RBFOX1: variants seen among roughly 807,000 people sequenced by gnomAD.
RBFOX1 encodes the protein RNA binding protein fox-1 homolog 1.
Under a neutral mutation model 57.7 loss-of-function variants are expected in RBFOX1, and 8 were observed. The observed-to-expected ratio is 0.14, with a 90% confidence interval of 0.08 to 0.25. The LOEUF is 0.25. Among genes scored for constraint, RBFOX1 ranks in the 10% least tolerant of loss-of-function variants. The probability of loss-of-function intolerance (pLI) is 1.00; values close to 1 mark genes in which losing one functional copy is unlikely to be tolerated. For missense variants in RBFOX1, 611 were observed against 548.5 expected, an observed-to-expected ratio of 1.11 and a Z score of -1.14; for synonymous variants, 326 against 222.4, an observed-to-expected ratio of 1.47 and a Z score of -4.15.
At chr16:6,083,112 C>T (rs1426742360) in intron 1 of RBFOX1, among the ~76,000 whole-genome samples, 1 of 152,108 alleles carries the variant, frequency 6.6e-6, no homozygotes, top group Non-Finnish European at 1.5e-5. Context: ...AGCGATTCTC[C>T]TGCCTCAGCG....
At chr16:7,113,399 A>C (rs973639161) in intron 4 of RBFOX1, among the ~76,000 whole-genome samples, 2 of 152,166 alleles carry the variant, frequency 1.3e-5, no homozygotes, top group African/African-American at 4.8e-5. Flanking sequence ...AAAAGATAAA[A>C]AGTTTCCCTT....
intron 1 of RBFOX1, among the ~76,000 whole-genome samples, chr16:5,427,672 A>T (rs2020162): frequency 6.6e-6 from 1 of 151,898 alleles, no homozygotes; most frequent in Admixed American, 6.5e-5. Context: ...CAGGACATAG[A>T]CAAGGTTACG....
chr16:7,710,297 A>G, intron 15 of RBFOX1: 1 of 1,149,486 alleles, frequency 8.7e-7, no homozygotes, highest in South Asian at 2.6e-5. Context: ...CAACTGGTCC[A>G]AATTCAACCT....
chr16:7,236,763 A>T (rs1008675209), intron 4 of RBFOX1, among the ~76,000 whole-genome samples: 3 of 152,066 alleles, frequency 2.0e-5, no homozygotes, highest in Non-Finnish European at 4.4e-5. Flanking sequence ...TTCAGCAGTC[A>T]TTAAAAATGC....
At chr16:5,789,615 G>C (rs1287570375) in intron 3 of RBFOX1, among the ~76,000 whole-genome samples, 1 of 152,106 alleles carries the variant, frequency 6.6e-6, no homozygotes, top group Non-Finnish European at 1.5e-5. Context: ...GTTCTCTTTT[G>C]GTTAAGCTTT....
rs143188417 is a variant in RBFOX1, at chr16:5,986,343, C to T, written c.351+119008C>T. On this transcript the variant is annotated intron_variant, in intron 4 of 19. Coordinates refer to the RBFOX1 transcript ENST00000641259. ...CCTCCCATAGTGCTGGGATTACAGGCGTGAGCCATCGCGTCCAGACTGTTG... is the reference window on the plus strand; with the variant it reads ...CCTCCCATAGTGCTGGGATTACAGGTGTGAGCCATCGCGTCCAGACTGTTG... 7.9e-4 allele frequency among the ~76,000 whole-genome samples: 121 copies of T among 152,326 alleles called. 1 individual carries two copies. Among genetic ancestry groups the T allele is most frequent in the African/African-American group, 2.7e-3 (114 of 41,580 alleles).
At chr16:5,279,089 G>A (rs8045152) in intron 1 of RBFOX1, among the ~76,000 whole-genome samples, 80,913 of 151,890 alleles carry the variant, frequency 0.53, 22,510 homozygotes, top group African/African-American at 0.7. Flanking sequence ...GTGGTTCCAT[G>A]TGAATTTCAG....
chr16:6,690,556 C>T (rs977671182), intron 3 of RBFOX1, among the ~76,000 whole-genome samples: 1 of 5,980 alleles, frequency 1.7e-4, no homozygotes, highest in Non-Finnish European at 2.6e-3. Flanking sequence ...ATCATCGTTT[C>T]AAAACTATAC....
chr16:7,120,870 T>G, intron 4 of RBFOX1, among the ~76,000 whole-genome samples: 1 of 70,050 alleles, frequency 1.4e-5, no homozygotes, highest in South Asian at 4.1e-4. Context: ...TACGTAAACA[T>G]ATATCATGGA....
intron 2 of RBFOX1, among the ~76,000 whole-genome samples, chr16:6,633,527 C>T (rs960831909): frequency 6.6e-6 from 1 of 152,152 alleles, no homozygotes; most frequent in Non-Finnish European, 1.5e-5. Flanking sequence ...TACCTGGCCT[C>T]AAGTGATCCC....
At chr16:5,767,961 TA>T (rs2151666234) in intron 3 of RBFOX1, among the ~76,000 whole-genome samples, 1 of 152,224 alleles carries the variant, frequency 6.6e-6, no homozygotes, top group South Asian at 2.1e-4. Flanking sequence ...AAAATGTATA[TA>T]TTTTTCAGTT....
At position 5,428,656 on chromosome 16, in the gene RBFOX1, A is replaced by T. The variant is rs1220334113; in HGVS notation, c.220-38560A>T. ...CTTGGAGGAGGTGATGTTTAAGCTGAAACCTGGAGGGTGAGGAGGAGCTGG... is the reference window on the plus strand; with the variant it reads ...CTTGGAGGAGGTGATGTTTAAGCTGTAACCTGGAGGGTGAGGAGGAGCTGG... On this transcript the variant is annotated intron_variant, in intron 1 of 2. Transcript: ENST00000585867. Among the ~76,000 whole-genome samples, 4 of 152,264 alleles carry T rather than the reference A, an allele frequency of 2.6e-5. No homozygotes were observed. In the East Asian group the frequency reaches 7.7e-4, roughly 29 times the overall value.
chr16:5,269,080 A>C (rs1243906016), intron 1 of RBFOX1, among the ~76,000 whole-genome samples: 1 of 152,076 alleles, frequency 6.6e-6, no homozygotes, highest in African/African-American at 2.4e-5. Context: ...ATGCCTGGCT[A>C]ATTTTTGTAT....
intron 2 of RBFOX1, among the ~76,000 whole-genome samples, chr16:6,462,118 A>G (rs942640831): frequency 2.0e-5 from 3 of 152,208 alleles, no homozygotes; most frequent in Admixed American, 6.5e-5. Flanking sequence ...AAATCCTTAT[A>G]TTAGTCATTT....
At chr16:6,441,605 A>T (rs1365824937) in intron 2 of RBFOX1, among the ~76,000 whole-genome samples, 1 of 152,024 alleles carries the variant, frequency 6.6e-6, no homozygotes, top group African/African-American at 2.4e-5. Context: ...TTTAGTACAG[A>T]CGGGGTTTCG....
chr16:7,060,870 T>C (rs2153746356), intron 4 of RBFOX1, among the ~76,000 whole-genome samples: 1 of 152,318 alleles, frequency 6.6e-6, no homozygotes, highest in African/African-American at 2.4e-5. Flanking sequence ...AATACCATTC[T>C]TTGCATTAAC....
intron 1 of RBFOX1, among the ~76,000 whole-genome samples, chr16:5,361,660 T>C (rs115713935): frequency 0.013 from 1,918 of 151,966 alleles, 37 homozygotes; most frequent in African/African-American, 0.043. Flanking sequence ...GGCCCTGGGG[T>C]TGGAATGAAG....
intron 4 of RBFOX1, among the ~76,000 whole-genome samples, chr16:7,174,865 A>G (rs1334624100): frequency 1.3e-5 from 2 of 152,186 alleles, no homozygotes; most frequent in African/African-American, 4.8e-5. Flanking sequence ...CCAGCAACAT[A>G]CAAGCATCCA....
intron 4 of RBFOX1, among the ~76,000 whole-genome samples, chr16:5,888,775 C>T (rs546726487): frequency 1.0e-3 from 126 of 123,800 alleles, no homozygotes; most frequent in Non-Finnish European, 1.6e-3. Flanking sequence ...CCAATCTGGG[C>T]GACAAGAGCG....
Sources: allele counts gnomAD v4.1 joint callset (sites outside exome capture counted in the v4.1 genomes callset), GRCh38; gene constraint gnomAD v4.1.1; transcripts MANE v1.5; gene names NCBI Gene and HGNC (gene_info 2026-07-23, HGNC 2026-07-21).